YTHDC2: variants seen among roughly 807,000 people sequenced by gnomAD.
YTHDC2 encodes the protein YTH N6-methyladenosine RNA binding protein C2.
YTHDC2 carries 45 observed loss-of-function variants against 174.9 expected under a neutral mutation model. That is an observed-to-expected ratio of 0.26 (90% CI 0.20 to 0.33). The LOEUF is 0.33. YTHDC2 is among the 10% of genes least tolerant of loss of function. The probability of loss-of-function intolerance (pLI) is 1.00; values close to 1 mark genes in which losing one functional copy is unlikely to be tolerated. For synonymous variants in YTHDC2, 657 were observed against 574.5 expected (o/e 1.14, Z -2.05); for missense variants, 1,650 against 1,723.7 (o/e 0.96, Z 0.76).
chr5:113,562,471 T>G (rs977408241), intron 18 of YTHDC2, among the ~76,000 whole-genome samples: 14 of 152,018 alleles, frequency 9.2e-5, no homozygotes, highest in Admixed American at 1.3e-4. Context: ...TTCCCAATGC[T>G]TATGTGTGAT....
In YTHDC2 at chr5:113,520,498, CT is replaced by C. The variant is rs565814224; in HGVS notation, c.279-4469del. Among the ~76,000 whole-genome samples the C allele has an allele frequency of 7.3e-3, 1,050 of 143,156 alleles. 5 individuals carry two copies. Among genetic ancestry groups the C allele is most frequent in the Middle Eastern group, 0.018 (5 of 272 alleles). 93.9% of individuals were successfully genotyped at this position (143,156 alleles called of 152,430 possible). ...AGGATTATTGAAAATAAAAGAATCTCTTTTTTTTTTTTTTCTTTAAATGAGA... is the reference window on the plus strand; with the variant it reads ...AGGATTATTGAAAATAAAAGAATCTCTTTTTTTTTTTTTCTTTAAATGAGA... On this transcript the variant is annotated intron_variant, in intron 2 of 29. Coordinates refer to ENST00000161863, the MANE Select transcript of YTHDC2 (RefSeq NM_022828.5).
chr5:113,570,392 A>G (rs932969713), intron 23 of YTHDC2, among the ~76,000 whole-genome samples: 2 of 152,032 alleles, frequency 1.3e-5, no homozygotes, highest in Admixed American at 1.3e-4. Context: ...GTGAGCTATC[A>G]TGCTTGGCCT....
At chr5:113,541,354 G>A (rs906704891) in intron 9 of YTHDC2, among the ~76,000 whole-genome samples, 10 of 152,070 alleles carry the variant, frequency 6.6e-5, no homozygotes, top group Admixed American at 6.5e-4. Context: ...ACCATGTCCA[G>A]CTAAATTTTT....
rs1172750680 is a variant in YTHDC2, at chr5:113,525,089, C to T, written c.387C>T (p.Ser129=). ...ATAATACAAAACATGCTGTTAGGAG[C>T]CTAATTCAAAGATTTCCTGTCACCA... The part of the protein sequence containing the change: ...LTHNTKHAVR[S]LIQRFPVTNK... Residue 129 remains serine, a synonymous_variant, in exon 3 of 30, where the codon AGC becomes AGT. Coordinates refer to ENST00000161863, the MANE Select transcript of YTHDC2 (RefSeq NM_022828.5). 1 of 1,612,154 alleles carries T rather than the reference C, an allele frequency of 6.2e-7. No homozygotes were observed. Among genetic ancestry groups the T allele is most frequent in the African/African-American group, 1.3e-5 (1 of 74,906 alleles).
chr5:113,571,185 G>A (rs572769571), intron 23 of YTHDC2, among the ~76,000 whole-genome samples: 14 of 152,270 alleles, frequency 9.2e-5, no homozygotes, highest in South Asian at 8.3e-4. Flanking sequence ...TTTTTAACAC[G>A]AAGACATGTT....
rs769398579 is a variant in YTHDC2, at chr5:113,564,048, C to A, written c.2632C>A (p.Gln878Lys). The change falls in exon 20 of 30, where the codon CAA becomes AAA. Residue 878 changes from glutamine to lysine, a missense_variant. Around this residue, in one of 5 missense-constraint regions of YTHDC2, gnomAD observed 913 missense variants for 940.4 expected, o/e 0.97. Transcript: ENST00000161863. ...DPFVLPTQAS[Q>K]KRAAMLCRKR... is the part of the protein sequence containing the mutation. ...TTTTGTACTACCTACTCAGGCCTCT[C>A]AAAAACGTGCAGCTATGCTTTGTAG... 4 of 1,614,104 alleles carry A rather than the reference C, an allele frequency of 2.5e-6. No homozygotes were observed. The Admixed American group carries it at 6.7e-5, about 27-fold the overall frequency.
At position 113,564,076 on chromosome 5, in the gene YTHDC2, A is replaced by G. The variant is rs767393464; in HGVS notation, c.2660A>G (p.Lys887Arg). The change falls in exon 20 of 30, where the codon AAA becomes AGA. Residue 887 changes from lysine (K) to arginine (R), a missense_variant. Lys to Arg is a conservative substitution (Grantham distance 26, BLOSUM62 2). Around this residue, in one of 5 missense-constraint regions of YTHDC2, gnomAD observed 913 missense variants for 940.4 expected, o/e 0.97. Coordinates refer to ENST00000161863, the MANE Select transcript of YTHDC2 (RefSeq NM_022828.5). ...AAACGTGCAGCTATGCTTTGTAGGAAACGTTTTACTGCAGGAGCTTTCAGT... is the reference window on the plus strand; with the variant it reads ...AAACGTGCAGCTATGCTTTGTAGGAGACGTTTTACTGCAGGAGCTTTCAGT... Reference protein sequence around the residue: ...SQKRAAMLCRKRFTAGAFSDH... With the variant: ...SQKRAAMLCRRRFTAGAFSDH... 1.2e-6 allele frequency: 2 copies of G among 1,614,186 alleles called. No individual in the cohort carries two copies. Among genetic ancestry groups the G allele is most frequent in the Non-Finnish European group, 1.7e-6 (2 of 1,180,030 alleles).
Position 113,567,828 on chromosome 5 carries a change from C to T in YTHDC2, c.3223C>T (p.Gln1075Ter). The change falls in exon 23 of 30, where the codon CAG (glutamine) becomes TAG (stop). Residue 1075 changes from glutamine (Q) to a stop codon, truncating the protein, a stop_gained. Coordinates refer to ENST00000161863, the MANE Select transcript of YTHDC2 (RefSeq NM_022828.5). LOFTEE classifies it high-confidence loss of function. ...GPARLASNAL[Q>*]EPSSFRVDGI... ...AGCTAGATTGGCAAGTAATGCTCTT[C>T]AGGAACCTTCATCCTTTAGAGGTAA... 1 of 1,566,208 alleles carries T rather than the reference C, an allele frequency of 6.4e-7. No homozygotes were observed. Among genetic ancestry groups the T allele is most frequent in the Non-Finnish European group, 8.6e-7 (1 of 1,156,370 alleles).
In YTHDC2 at chr5:113,579,629, C is replaced by T; in HGVS notation, c.3288C>T (p.Asp1096=). 1.2e-6 allele frequency: 2 copies of T among 1,610,648 alleles called. No homozygotes were observed. The highest frequency in any genetic ancestry group is 8.5e-7 in the Non-Finnish European group (1 of 1,178,174). ...PNDSSDSEME[D]KTTANLAALK... The stretch of plus-strand genomic sequence containing the variant: ...ACAGTAGTGATAGTGAAATGGAGGA[C>T]AAAACTACAGCTAATTTGGCAGCCT... Residue 1096 remains aspartate, a synonymous_variant, in exon 24 of 30, where the codon GAC becomes GAT. Coordinates refer to ENST00000161863, the MANE Select transcript of YTHDC2 (RefSeq NM_022828.5).
chr5:113,563,344 A>C (rs990223620), intron 18 of YTHDC2, 29 bp from the exon 19 acceptor site: 2 of 1,555,074 alleles, frequency 1.3e-6, no homozygotes, highest in African/African-American at 2.8e-5. Flanking sequence ...TTTTAATTTT[A>C]AAAAATTATT....
intron 26 of YTHDC2, among the ~76,000 whole-genome samples, chr5:113,589,409 ATATATATATATATAT>A (rs1778884438): frequency 1.1e-5 from 1 of 89,120 alleles, no homozygotes; most frequent in Non-Finnish European, 2.3e-5. Context: ...AAAAAAAAAA[ATATATATATATATAT>A]ATATATATGT....
intron 8 of YTHDC2, 116 bp from the exon 9 acceptor site, chr5:113,540,852 C>A: frequency 2.1e-6 from 2 of 937,062 alleles, no homozygotes; most frequent in Non-Finnish European, 3.1e-6. Flanking sequence ...AAAGTAACTA[C>A]AGAATAAGAC....
chr5:113,550,975 A>G (rs949086583), intron 12 of YTHDC2, among the ~76,000 whole-genome samples: 3 of 152,094 alleles, frequency 2.0e-5, no homozygotes, highest in African/African-American at 7.2e-5. Context: ...TAGAGACTCA[A>G]AAAAGAAAAC....
rs1439726572 is a variant in YTHDC2, at chr5:113,553,994, T to C, written c.2105T>C (p.Phe702Ser). ...AGCATCACAGTCAATGATGTTGTCT[T>C]TGTTATTGATTCTGGTAAGGTGAAA... is the stretch of plus-strand genomic sequence containing the variant. ...ETSITVNDVV[F>S]VIDSGKVKEK... The change falls in exon 16 of 30, where the codon TTT becomes TCT. Residue 702 changes from phenylalanine to serine, a missense_variant. Phe to Ser is a radical substitution (Grantham distance 155, BLOSUM62 -2). This residue lies in a region of YTHDC2 where 913 missense variants were observed against 940.4 expected (regional missense o/e 0.97). Transcript: ENST00000161863. The C allele has an allele frequency of 6.4e-7, 1 of 1,574,592 alleles. No homozygotes were observed.
At chr5:113,532,255 A>G (rs1019216361) in intron 4 of YTHDC2, among the ~76,000 whole-genome samples, 1 of 152,166 alleles carries the variant, frequency 6.6e-6, no homozygotes, top group Admixed American at 6.5e-5. Flanking sequence ...ATACACAAAT[A>G]TTCTGGGTTG....
At chr5:113,577,066 T>G (rs1017225002) in intron 23 of YTHDC2, among the ~76,000 whole-genome samples, 1 of 152,316 alleles carries the variant, frequency 6.6e-6, no homozygotes, top group Middle Eastern at 3.4e-3. Flanking sequence ...CTGTACAATT[T>G]ATTAAACAGT....
chr5:113,526,820 AAAAAAAAT>A (rs1488291341), intron 4 of YTHDC2, 35 bp downstream of exon 4: 23 of 400,276 alleles, frequency 5.7e-5, no homozygotes, highest in East Asian at 1.6e-4. Flanking sequence ...AGAAAAAAAA[AAAAAAAAT>A]ATATATATAT....
At chr5:113,561,957 G>GTGTGTGT (rs1554099024) in intron 18 of YTHDC2, among the ~76,000 whole-genome samples, 22 of 134,960 alleles carry the variant, frequency 1.6e-4, no homozygotes, top group African/African-American at 4.3e-4. Flanking sequence ...ATTAATTGTG[G>GTGTGTGT]GTGTGTGTGT....
chr5:113,520,943 C>T (rs1328422553), intron 2 of YTHDC2, among the ~76,000 whole-genome samples: 3 of 152,136 alleles, frequency 2.0e-5, no homozygotes, highest in African/African-American at 4.8e-5. Flanking sequence ...ACCCCAGTGC[C>T]TGTTGTTCAC....
Sources: allele counts gnomAD v4.1 joint callset (sites outside exome capture counted in the v4.1 genomes callset), GRCh38; gene constraint gnomAD v4.1.1; regional missense constraint gnomAD v4.1.1; transcripts MANE v1.5; gene names NCBI Gene and HGNC (gene_info 2026-07-23, HGNC 2026-07-21).